Variants in ARHGEF7 observed in about 807,000 individuals in gnomAD.
The protein encoded by ARHGEF7 is PAK-interacting exchange factor beta.
In ARHGEF7, 33 loss-of-function variants were observed where a neutral mutation model predicts 109.8. That is an observed-to-expected ratio of 0.30 (90% CI 0.23 to 0.40). The LOEUF is 0.40. ARHGEF7 is among the 10% of genes least tolerant of loss of function. The probability of loss-of-function intolerance (pLI) is 1.00; values close to 1 mark genes in which losing one functional copy is unlikely to be tolerated. For synonymous variants in ARHGEF7, 458 were observed against 424.6 expected (o/e 1.08, Z -0.97); for missense variants, 938 against 1,098.5 (o/e 0.85, Z 2.07).
In ARHGEF7 at chr13:111,271,383, G is replaced by A. The variant is rs535999814; in HGVS notation, c.1074-2431G>A. 3.3e-5 allele frequency among the ~76,000 whole-genome samples: 5 copies of A among 152,314 alleles called. No homozygotes were observed. In the East Asian group the frequency reaches 7.7e-4, roughly 24 times the overall value. On this transcript the variant is annotated intron_variant, in intron 9 of 21. Coordinates refer to ENST00000646102, the MANE Select transcript of ARHGEF7 (RefSeq NM_001354046.2). ...ATGCTGAGGAAAGAAGGCAGAGGAC[G>A]TGTGCGTGTTTAGAAATGATAGGAA...
At chr13:111,195,950 G>A (rs2080450820) in intron 2 of ARHGEF7, among the ~76,000 whole-genome samples, 1 of 152,158 alleles carries the variant, frequency 6.6e-6, no homozygotes, top group Non-Finnish European at 1.5e-5. Context: ...AGGTTGCCAG[G>A]TTTAGTAATG....
intron 5 of ARHGEF7, among the ~76,000 whole-genome samples, chr13:111,223,817 G>T (rs2084801694): frequency 6.6e-6 from 1 of 151,092 alleles, no homozygotes. Context: ...TATTTTCTGT[G>T]CACCTTTTTT....
intron 8 of ARHGEF7, among the ~76,000 whole-genome samples, chr13:111,262,035 T>G (rs2091148009): frequency 6.6e-6 from 1 of 152,084 alleles, no homozygotes; most frequent in South Asian, 2.1e-4. Context: ...ATAAACAACC[T>G]TAATGATGCA....
At chr13:111,134,556 T>G (rs1420507054) in intron 1 of ARHGEF7, among the ~76,000 whole-genome samples, 3 of 152,242 alleles carry the variant, frequency 2.0e-5, no homozygotes, top group Non-Finnish European at 4.4e-5. Flanking sequence ...ATGATGAGCA[T>G]TTTTTCATGT....
intron 2 of ARHGEF7, among the ~76,000 whole-genome samples, chr13:111,198,503 T>C (rs1012523112): frequency 6.6e-6 from 1 of 152,080 alleles, no homozygotes; most frequent in African/African-American, 2.4e-5. Context: ...TTCCGGTGGG[T>C]TTGTGGTCTC....
At chr13:111,226,935 A>G (rs1433245283) in intron 5 of ARHGEF7, among the ~76,000 whole-genome samples, 1 of 152,222 alleles carries the variant, frequency 6.6e-6, no homozygotes, top group African/African-American at 2.4e-5. Context: ...TTTGGAAGAC[A>G]TTGATTCTAA....
At chr13:111,229,519 C>A (rs910842506) in intron 5 of ARHGEF7, among the ~76,000 whole-genome samples, 2 of 152,130 alleles carry the variant, frequency 1.3e-5, no homozygotes, top group African/African-American at 4.8e-5. Context: ...AATTGCGTAT[C>A]TCTCCTGTCA....
chr13:111,165,352 A>G (rs2077042780), intron 2 of ARHGEF7, among the ~76,000 whole-genome samples: 1 of 152,176 alleles, frequency 6.6e-6, no homozygotes, highest in Non-Finnish European at 1.5e-5. Context: ...CAGCCGGGTA[A>G]GTCTTTCCAG....
intron 4 of ARHGEF7, among the ~76,000 whole-genome samples, chr13:111,216,506 G>A (rs1278300469): frequency 2.0e-5 from 3 of 151,546 alleles, no homozygotes; most frequent in Non-Finnish European, 4.4e-5. Flanking sequence ...ATAGAGGCCT[G>A]GACTCTGCTG....
At chr13:111,267,367 C>A (rs188302798) in intron 8 of ARHGEF7, among the ~76,000 whole-genome samples, 181 bp from the exon 9 acceptor site, 1 of 152,008 alleles carries the variant, frequency 6.6e-6, no homozygotes, top group Non-Finnish European at 1.5e-5. Context: ...GCTTTCTGGG[C>A]GCCCCTTCTC....
In ARHGEF7 at chr13:111,294,147, A is replaced by G. The variant is rs370088588; in HGVS notation, c.2311+1853A>G. The G allele has an allele frequency of 1.0e-4, 102 of 985,402 alleles. 1 individual carries two copies. In the South Asian group the frequency reaches 4.4e-3, roughly 43 times the overall value. The allele number at this position is 985,402 out of a possible 1,614,324, so 61.0% of individuals were successfully genotyped here. A position where few individuals can be genotyped will look rare whatever the true frequency, so the allele number is the denominator to read the frequency against. On this transcript the variant is annotated intron_variant, in intron 19 of 21. Coordinates refer to ENST00000646102, the MANE Select transcript of ARHGEF7 (RefSeq NM_001354046.2). ...GCAGAGATGGGGTTTATGTATGTTC[A>G]GCCAGATAGTAAATGGGATTTTTGG...
chr13:111,185,939 G>A (rs967886043), intron 2 of ARHGEF7, among the ~76,000 whole-genome samples: 6 of 148,994 alleles, frequency 4.0e-5, no homozygotes, highest in African/African-American at 1.5e-4. Flanking sequence ...TGTAAGCTTT[G>A]TCACACTGTC....
rs1566877316 is a variant in ARHGEF7 at position 111,221,580 on chromosome 13, T to TATATCTATATATATAGATACATATCG, written c.670+3704_670+3705insCTATATATATAGATACATATCGATAT. Among the ~76,000 whole-genome samples, 44 of 76,344 alleles carry TATATCTATATATATAGATACATATCG rather than the reference T, an allele frequency of 5.8e-4. 6 individuals carry two copies. The East Asian group carries it at 0.059, about 102-fold the overall frequency. The allele number at this position is 76,344 out of a possible 152,430, so 50.1% of individuals were successfully genotyped here. On this transcript the variant is annotated intron_variant, in intron 5 of 21. Transcript: ENST00000646102. ...ATATCTATATATATAGATACATATCTATATATATCTATATATAGATATATA... is the reference window on the plus strand; with the variant it reads ...ATATCTATATATATAGATACATATCTATATCTATATATATAGATACATATCGATATATATCTATATATAGATATATA...
chr13:111,211,668 T>C (rs924762975), intron 4 of ARHGEF7, among the ~76,000 whole-genome samples: 1 of 152,214 alleles, frequency 6.6e-6, no homozygotes, highest in African/African-American at 2.4e-5. Context: ...CCATGCTAGG[T>C]AAGAATGAAT....
chr13:111,114,993 A>C (rs2066642407), upstream of ARHGEF7: 1 of 151,854 alleles, frequency 6.6e-6, no homozygotes, highest in Non-Finnish European at 1.5e-5. Flanking sequence ...ACGAATTCAA[A>C]ACATAAACAA....
At chr13:111,194,938 T>C (rs1008903600) in intron 2 of ARHGEF7, among the ~76,000 whole-genome samples, 1 of 152,158 alleles carries the variant, frequency 6.6e-6, no homozygotes, top group African/African-American at 2.4e-5. Flanking sequence ...GGTATAGGGG[T>C]TGGGTACAAC....
Position 111,255,644 on chromosome 13 carries a change from G to A in ARHGEF7, c.950+11350G>A, listed in dbSNP as rs917742235. 2.6e-5 allele frequency among the ~76,000 whole-genome samples: 4 copies of A among 152,248 alleles called. No homozygotes were observed. The highest frequency in any genetic ancestry group is 5.9e-5 in the Non-Finnish European group (4 of 68,042). On this transcript the variant is annotated intron_variant, in intron 8 of 21. Coordinates refer to ENST00000646102, the MANE Select transcript of ARHGEF7 (RefSeq NM_001354046.2). This position sits in a 1 kb window ranked among gnomAD's most constrained non-coding sequence, Gnocchi z 4.1. ...GCACTGGCTTTGGAGGGCCCTGAGT[G>A]AGCTGGCTGGTGTTCGTGAAAGAAG...
At chr13:111,117,832 G>T (rs1432004497) in intron 1 of ARHGEF7, among the ~76,000 whole-genome samples, 1 of 152,166 alleles carries the variant, frequency 6.6e-6, no homozygotes, top group Non-Finnish European at 1.5e-5. Context: ...AAAGTGCTGG[G>T]ATTACAGGCG....
At chr13:111,232,142 T>C (rs180957348) in intron 5 of ARHGEF7, among the ~76,000 whole-genome samples, 43 of 152,224 alleles carry the variant, frequency 2.8e-4, no homozygotes, top group Non-Finnish European at 5.4e-4. Context: ...CACACAACCA[T>C]TGATAGACCC....
Sources: gnomAD v4.1 joint callset for allele counts (sites outside exome capture counted in the v4.1 genomes callset) on GRCh38, gnomAD v4.1.1 for gene constraint, Gnocchi (gnomAD v3.1) non-coding constraint, MANE v1.5 for transcripts, NCBI Gene and HGNC (gene_info 2026-07-23, HGNC 2026-07-21) for gene names.